RBFOX1: variants seen among roughly 807,000 people sequenced by gnomAD.
RBFOX1 encodes the protein RNA binding protein fox-1 homolog 1.
In RBFOX1, 8 loss-of-function variants were observed where a neutral mutation model predicts 57.7. The observed-to-expected ratio is 0.14, with a 90% CI of 0.08 to 0.25. RBFOX1 has a LOEUF of 0.25. Ranked by LOEUF, RBFOX1 falls within the 10% of genes least tolerant of loss-of-function variation. RBFOX1 has a pLI of 1.00. For missense variants in RBFOX1, 611 were observed against 548.5 expected (o/e 1.11, Z -1.14); for synonymous variants, 326 against 222.4 (o/e 1.47, Z -4.15).
intron 2 of RBFOX1, among the ~76,000 whole-genome samples, chr16:6,402,092 C>G (rs183818954): frequency 1.7e-5 from 2 of 120,270 alleles, no homozygotes; most frequent in Non-Finnish European, 3.6e-5. Context: ...GAGAAGAAAA[C>G]AGAAAAAAAA....
At chr16:7,052,186 C>G (rs2050312568) in intron 4 of RBFOX1, 88 bp downstream of exon 4, 4 of 1,519,402 alleles carry the variant, frequency 2.6e-6, no homozygotes, top group African/African-American at 2.8e-5. Context: ...GACACGGGTT[C>G]TAAATAACAG....
At position 7,653,922 on chromosome 16, in the gene RBFOX1, C is replaced by T. The variant is rs778837770; in HGVS notation, c.865C>T (p.Pro289Ser). Residue 289 changes from proline to serine, a missense_variant, in exon 12 of 16, where the codon CCG (proline) becomes TCG (serine). Physicochemically the swap from Pro to Ser is moderately conservative, Grantham distance 74 (BLOSUM62 -1). Transcript: ENST00000550418. ...VYNTFRAAAP[P>S]PPIPAYGGVV... ...CAACACCTTCAGGGCCGCGGCGCCC[C>T]CGCCCCCGATCCCGGCCTACGGCGG... 1 of 1,562,762 alleles carries T rather than the reference C, an allele frequency of 6.4e-7. No individual in the cohort carries two copies. Among genetic ancestry groups the T allele is most frequent in the Non-Finnish European group, 8.6e-7 (1 of 1,161,174 alleles).
chr16:5,576,138 C>T (rs1313841543), intron 2 of RBFOX1, among the ~76,000 whole-genome samples: 1 of 152,154 alleles, frequency 6.6e-6, no homozygotes, highest in Non-Finnish European at 1.5e-5. Context: ...TGCCTGCCAC[C>T]ATATCCGGCT....
intron 4 of RBFOX1, among the ~76,000 whole-genome samples, chr16:7,385,234 C>T (rs531470437): frequency 3.4e-4 from 51 of 152,236 alleles, no homozygotes; most frequent in African/African-American, 1.1e-3. Flanking sequence ...CTGCTTGCCA[C>T]GTGAAACATA....
chr16:6,354,325 C>G (rs1407407355), intron 2 of RBFOX1, among the ~76,000 whole-genome samples: 1 of 152,114 alleles, frequency 6.6e-6, no homozygotes, highest in African/African-American at 2.4e-5. Context: ...GCTCTCTGTC[C>G]ATCACCAGTC....
chr16:6,511,904 C>G (rs2096262653), intron 2 of RBFOX1, among the ~76,000 whole-genome samples: 1 of 152,032 alleles, frequency 6.6e-6, no homozygotes, highest in Admixed American at 6.6e-5. Context: ...GTAGGAGTGT[C>G]TATTTCATAA....
At chr16:5,275,059 C>G (rs1453062050) in intron 1 of RBFOX1, among the ~76,000 whole-genome samples, 3 of 152,200 alleles carry the variant, frequency 2.0e-5, no homozygotes, top group Admixed American at 1.3e-4. Flanking sequence ...TTGCCTTCTG[C>G]TTTTGGTCAC....
chr16:6,341,391 G>A (rs2084552418), intron 2 of RBFOX1, among the ~76,000 whole-genome samples: 1 of 152,094 alleles, frequency 6.6e-6, no homozygotes, highest in African/African-American at 2.4e-5. Context: ...ATGAGTAAAA[G>A]GAGGTTGAGA....
At chr16:6,760,184 C>G (rs1274319413) in intron 3 of RBFOX1, among the ~76,000 whole-genome samples, 1 of 152,122 alleles carries the variant, frequency 6.6e-6, no homozygotes, top group Non-Finnish European at 1.5e-5. Context: ...ATGTTTGACT[C>G]CTTGGATATT....
intron 1 of RBFOX1, among the ~76,000 whole-genome samples, chr16:6,268,447 T>G (rs1231538420): frequency 6.6e-6 from 1 of 152,154 alleles, no homozygotes; most frequent in African/African-American, 2.4e-5. Flanking sequence ...TTCAAGCACC[T>G]GTGAAATGTG....
At chr16:6,486,790 G>A (rs1268302302) in intron 2 of RBFOX1, among the ~76,000 whole-genome samples, 1 of 151,538 alleles carries the variant, frequency 6.6e-6, no homozygotes, top group Admixed American at 6.6e-5. Flanking sequence ...TCATTTTCAT[G>A]CAGGGTTGTG....
intron 2 of RBFOX1, among the ~76,000 whole-genome samples, chr16:6,531,636 C>G (rs776565220): frequency 5.3e-5 from 8 of 152,054 alleles, no homozygotes; most frequent in Non-Finnish European, 7.4e-5. Flanking sequence ...TACGAATGAC[C>G]CATTCTCGGA....
chr16:6,976,321 C>G (rs373771951), intron 3 of RBFOX1, among the ~76,000 whole-genome samples: 2 of 152,144 alleles, frequency 1.3e-5, no homozygotes. Context: ...AGAGGCCACA[C>G]TCTAAATTTC....
chr16:5,528,529 TC>T (rs1393212459), intron 2 of RBFOX1, among the ~76,000 whole-genome samples: 1 of 148,388 alleles, frequency 6.7e-6, no homozygotes, highest in East Asian at 2.0e-4. Context: ...TCCTGCATAT[TC>T]CCCCGACAGC....
intron 3 of RBFOX1, among the ~76,000 whole-genome samples, chr16:5,723,157 A>T (rs192420063): frequency 9.9e-5 from 15 of 152,268 alleles, no homozygotes; most frequent in Admixed American, 7.2e-4. Context: ...CCTTCCTGCT[A>T]CTTGAGTGTA....
intron 3 of RBFOX1, among the ~76,000 whole-genome samples, chr16:6,759,699 G>A (rs1052223732): frequency 3.0e-4 from 45 of 151,982 alleles, no homozygotes; most frequent in African/African-American, 1.1e-3. Flanking sequence ...TTTAATAATA[G>A]CCTTTAATAG....
intron 4 of RBFOX1, among the ~76,000 whole-genome samples, chr16:7,424,142 G>T (rs533646188): frequency 3.3e-5 from 5 of 152,038 alleles, no homozygotes; most frequent in Non-Finnish European, 7.4e-5. Flanking sequence ...AGGAAAAAGA[G>T]CCATGCAATG....
rs538681455 is a variant in RBFOX1, at chr16:6,472,890, G to T, written c.-64+155833G>T. On this transcript the variant is annotated intron_variant, in intron 2 of 15. Coordinates refer to ENST00000550418, the MANE Select transcript of RBFOX1 (RefSeq NM_018723.4). The stretch of plus-strand genomic sequence containing the variant: ...TCCACCCACCTCGGCCTCCCAAAGT[G>T]CTGGGATTATAGGCGTAAACCACTG... Among the ~76,000 whole-genome samples, 6 of 152,184 alleles carry T rather than the reference G, an allele frequency of 3.9e-5. No individual in the cohort carries two copies. In the South Asian group the frequency reaches 1.2e-3, roughly 32 times the overall value.
intron 5 of RBFOX1, among the ~76,000 whole-genome samples, chr16:7,576,941 C>G (rs2093384196): frequency 6.6e-6 from 1 of 152,184 alleles, no homozygotes; most frequent in East Asian, 1.9e-4. Flanking sequence ...GTACTAAAAC[C>G]CCTTAACTTC....
Sources: gnomAD v4.1 joint callset for allele counts (sites outside exome capture counted in the v4.1 genomes callset) on GRCh38, gnomAD v4.1.1 for gene constraint, MANE v1.5 for transcripts, NCBI Gene and HGNC (gene_info 2026-07-23, HGNC 2026-07-21) for gene names.